Variants in CCSER1 observed in about 807,000 individuals in gnomAD.
The protein encoded by CCSER1 is serine-rich coiled-coil domain-containing protein 1.
A neutral mutation model predicts 82.0 loss-of-function variants in CCSER1; 41 were observed. The observed-to-expected ratio is 0.50, with a 90% CI of 0.39 to 0.65. The LOEUF (loss-of-function observed/expected upper bound fraction) is 0.65. Ranked by LOEUF, CCSER1 falls within the 30% of genes least tolerant of loss-of-function variation. CCSER1 has a pLI of 0.00. For missense variants in CCSER1, 1,119 were observed against 1,064.2 expected, an observed-to-expected ratio of 1.05 and a Z score of -0.72; for synonymous variants, 414 against 383.9, an observed-to-expected ratio of 1.08 and a Z score of -0.92.
chr4:90,861,422 C>T (rs1276235231), intron 8 of CCSER1, among the ~76,000 whole-genome samples: 1 of 151,660 alleles, frequency 6.6e-6, no homozygotes, highest in Non-Finnish European at 1.5e-5. Context: ...AAACATGCAG[C>T]TATAGGATTA....
In CCSER1 at chr4:91,122,882, C is replaced by T. The variant is rs573451687; in HGVS notation, c.2217+36888C>T. Among the ~76,000 whole-genome samples the T allele has an allele frequency of 4.8e-4, 73 of 151,724 alleles. No individual in the cohort carries two copies. In the South Asian group the frequency reaches 5.8e-3, roughly 12 times the overall value. On this transcript the variant is annotated intron_variant, in intron 10 of 10. Transcript: ENST00000509176. ...AAACAAATTTCATCTTGAAGGAAGA[C>T]GGTGTTAATTAACATCTTACAATGT...
Position 91,599,083 on chromosome 4 carries a change from G to C in CCSER1, c.*26G>C. 3 of 1,503,680 alleles carry C rather than the reference G, an allele frequency of 2.0e-6. No individual in the cohort carries two copies. Among genetic ancestry groups the C allele is most frequent in the South Asian group, 2.6e-5 (2 of 77,430 alleles). The allele number at this position is 1,503,680 out of a possible 1,614,324, so 93.1% of individuals were successfully genotyped here. A position where few individuals can be genotyped will look rare whatever the true frequency, so the allele number is the denominator to read the frequency against. ...TTAAATCACCGTATTCCTGTCTTTG[G>C]GTAGGATAAAGATGGTTAGTGTTTC... On this transcript the variant is annotated 3_prime_UTR_variant, in exon 11 of 11. Coordinates refer to ENST00000509176, the MANE Select transcript of CCSER1 (RefSeq NM_001145065.2).
chr4:90,897,289 A>G (rs1173618625), intron 8 of CCSER1, among the ~76,000 whole-genome samples: 1 of 151,190 alleles, frequency 6.6e-6, no homozygotes, highest in Non-Finnish European at 1.5e-5. Context: ...CCCTCTCATA[A>G]CCTCCCCTCT....
intron 7 of CCSER1, among the ~76,000 whole-genome samples, chr4:90,760,268 C>T (rs1750210371): frequency 6.6e-6 from 1 of 151,794 alleles, no homozygotes; most frequent in South Asian, 2.1e-4. Context: ...GCTGACTGTA[C>T]ATAATTTTAT....
chr4:90,163,891 T>A (rs1371534664), intron 1 of CCSER1, among the ~76,000 whole-genome samples: 1 of 152,142 alleles, frequency 6.6e-6, no homozygotes, highest in Non-Finnish European at 1.5e-5. Context: ...AATACCTTCT[T>A]TGTTGGCTTT....
At chr4:90,486,714 A>C (rs1767113046) in intron 5 of CCSER1, among the ~76,000 whole-genome samples, 1 of 152,210 alleles carries the variant, frequency 6.6e-6, no homozygotes, top group Non-Finnish European at 1.5e-5. Flanking sequence ...ATACATAGAT[A>C]AAAACTGCTT....
At chr4:91,181,056 C>A (rs1379368484) in intron 10 of CCSER1, among the ~76,000 whole-genome samples, 1 of 152,182 alleles carries the variant, frequency 6.6e-6, no homozygotes, top group African/African-American at 2.4e-5. Flanking sequence ...ATGTTCATTG[C>A]CCTCATTCCC....
chr4:91,012,478 T>C (rs1434688727), intron 9 of CCSER1, among the ~76,000 whole-genome samples: 2 of 83,118 alleles, frequency 2.4e-5, no homozygotes, highest in Admixed American at 1.2e-4. Context: ...CAATTTCAAC[T>C]CAGTCCTGAG....
chr4:90,605,460 T>G (rs1784577161), intron 5 of CCSER1, among the ~76,000 whole-genome samples: 1 of 152,184 alleles, frequency 6.6e-6, no homozygotes, highest in Non-Finnish European at 1.5e-5. Flanking sequence ...TCTTCACAAG[T>G]CAAAATAAAC....
intron 10 of CCSER1, among the ~76,000 whole-genome samples, chr4:91,220,383 C>T (rs1737636216): frequency 6.6e-6 from 1 of 152,132 alleles, no homozygotes; most frequent in South Asian, 2.1e-4. Flanking sequence ...TTTGCCTGAA[C>T]AATCATATAG....
intron 5 of CCSER1, among the ~76,000 whole-genome samples, chr4:90,625,752 T>C (rs967458988): frequency 6.6e-6 from 1 of 152,222 alleles, no homozygotes; most frequent in Non-Finnish European, 1.5e-5. Flanking sequence ...AAAAATGCCA[T>C]CATCTTTTCC....
intron 1 of CCSER1, among the ~76,000 whole-genome samples, chr4:90,276,258 C>G (rs1456624044): frequency 8.5e-5 from 8 of 94,082 alleles, no homozygotes; most frequent in African/African-American, 3.7e-4. Context: ...TTCTTTCCTT[C>G]CTTCCTTCCT....
At chr4:90,137,107 A>T (rs1723835988) in intron 1 of CCSER1, among the ~76,000 whole-genome samples, 1 of 152,200 alleles carries the variant, frequency 6.6e-6, no homozygotes, top group South Asian at 2.1e-4. Flanking sequence ...TAAATGACCT[A>T]GGAATATTAA....
intron 10 of CCSER1, among the ~76,000 whole-genome samples, chr4:91,565,883 C>G (rs1762865450): frequency 6.6e-6 from 1 of 151,968 alleles, no homozygotes; most frequent in South Asian, 2.1e-4. Flanking sequence ...CCCTTTATTC[C>G]TTTTTCTTGC....
intron 10 of CCSER1, among the ~76,000 whole-genome samples, chr4:91,457,490 C>T (rs1756250742): frequency 6.6e-6 from 1 of 151,850 alleles, no homozygotes; most frequent in South Asian, 2.1e-4. Flanking sequence ...CATAGCAAGA[C>T]CCCATCTCTA....
chr4:91,085,482 C>A (rs1220020272), intron 9 of CCSER1, among the ~76,000 whole-genome samples: 2 of 152,000 alleles, frequency 1.3e-5, no homozygotes, highest in Non-Finnish European at 2.9e-5. Flanking sequence ...ACAGAGAAAG[C>A]CCTTTGACAG....
chr4:91,380,778 A>T (rs1234323452), intron 10 of CCSER1, among the ~76,000 whole-genome samples: 3 of 152,090 alleles, frequency 2.0e-5, no homozygotes, highest in South Asian at 4.1e-4. Context: ...TGTGAATTTG[A>T]TCCTGTCATT....
Position 90,313,057 on chromosome 4 carries a change from T to C in CCSER1, c.1509+10T>C, listed in dbSNP as rs1735581858. 6.3e-7 allele frequency: 1 copy of C among 1,577,232 alleles called. No homozygotes were observed. Among genetic ancestry groups the C allele is most frequent in the Non-Finnish European group, 8.7e-7 (1 of 1,155,664 alleles). On this transcript the variant is annotated intron_variant, in intron 3 of 10. Transcript: ENST00000509176. Reference sequence around the variant, plus strand: ...AAAAATGAACAGTTTGGTAAGTATATACATATGTCTGCCTCTAATAAAATA... The same window carrying C: ...AAAAATGAACAGTTTGGTAAGTATACACATATGTCTGCCTCTAATAAAATA...
chr4:91,106,507 C>T (rs1725632034), intron 10 of CCSER1, among the ~76,000 whole-genome samples: 1 of 152,104 alleles, frequency 6.6e-6, no homozygotes, highest in Non-Finnish European at 1.5e-5. Context: ...ATTCTCTCTC[C>T]CTCTTTTTCT....
Sources: allele counts gnomAD v4.1 joint callset (sites outside exome capture counted in the v4.1 genomes callset), GRCh38; gene constraint gnomAD v4.1.1; transcripts MANE v1.5; gene names NCBI Gene and HGNC (gene_info 2026-07-23, HGNC 2026-07-21).